The following PLEKHA8 variants were observed in gnomAD, a reference collection of about 807,000 sequenced individuals.
PLEKHA8 encodes pleckstrin homology domain containing A8.
PLEKHA8 carries 36 observed loss-of-function variants against 68.2 expected under a neutral mutation model. The observed-to-expected ratio is 0.53, with a 90% CI of 0.40 to 0.70. The LOEUF is 0.70. Among genes scored for constraint, PLEKHA8 ranks in the 30% least tolerant of loss-of-function variants. The pLI, the probability that PLEKHA8 is intolerant of heterozygous loss-of-function variation, is 0.00. For synonymous variants in PLEKHA8, 211 were observed against 216.1 expected (o/e 0.98, Z 0.20); for missense variants, 505 against 615.4 (o/e 0.82, Z 1.90).
At position 30,080,188 on chromosome 7, in the gene PLEKHA8, A is replaced by G; in HGVS notation, c.*1401A>G. On this transcript the variant is annotated 3_prime_UTR_variant, in exon 14 of 14. Transcript: ENST00000449726. ...ATGAGACTTAAGAAAACAGTTTCTT[A>G]AACTTCTTAAAACTTAAGAAACATT... The G allele has an allele frequency of 2.0e-6, 2 of 985,356 alleles. No homozygotes were observed. Among genetic ancestry groups the G allele is most frequent in the Non-Finnish European group, 2.4e-6 (2 of 829,870 alleles). 61.0% of individuals were successfully genotyped at this position (985,356 alleles called of 1,614,324 possible).
intron 12 of PLEKHA8, among the ~76,000 whole-genome samples, chr7:30,073,694 T>C (rs1400822878): frequency 1.3e-5 from 2 of 152,036 alleles, no homozygotes; most frequent in Non-Finnish European, 2.9e-5. Context: ...CTACTATGCA[T>C]TATACAAATA....
Position 30,047,962 on chromosome 7 carries a change from ATATTATT to A in PLEKHA8, c.438+12_438+18del. ...CTGGTGTGTCCAATTCTGAGGTAAA[ATATTATT>A]TATTAATATTATTAATATACATGAA... is the stretch of plus-strand genomic sequence containing the variant. On this transcript the variant is annotated splice_region_variant and intron_variant, in intron 4 of 13. Transcript: ENST00000449726. 1 of 1,381,600 alleles carries A rather than the reference ATATTATT, an allele frequency of 7.2e-7. No homozygotes were observed. The allele number at this position is 1,381,600 out of a possible 1,614,324, so 85.6% of individuals were successfully genotyped here.
chr7:30,116,082 A>G (rs1171379231), intron 13 of PLEKHA8: 4 of 150,708 alleles, frequency 2.7e-5, no homozygotes, highest in Non-Finnish European at 5.9e-5. Flanking sequence ...ATGTATACAT[A>G]CGCATACATA....
chr7:30,034,010 CTTTTTTTTTTTTTTTTT>C (rs56796780), intron 1 of PLEKHA8, among the ~76,000 whole-genome samples: 10 of 34,664 alleles, frequency 2.9e-4, no homozygotes, highest in Non-Finnish European at 4.3e-4. Flanking sequence ...TAAGAGGTTT[CTTTTTTTTTTTTTTTTT>C]TTTTTTTTTT....
chr7:30,062,575 A>G lies in PLEKHA8; in HGVS notation c.1230-97A>G, dbSNP rs1793524341. ...TGACCTATTCACTGCTGTGCCTAAG[A>G]TGTTACTGAAATGGAAGCTGATGTC... On this transcript the variant is annotated intron_variant, in intron 11 of 13. Coordinates refer to ENST00000449726, the MANE Select transcript of PLEKHA8 (RefSeq NM_001197026.2). 4.8e-6 allele frequency: 4 copies of G among 839,994 alleles called. No individual in the cohort carries two copies. The Admixed American group carries it at 6.0e-5, about 13-fold the overall frequency. 52.0% of individuals were successfully genotyped at this position (839,994 alleles called of 1,614,324 possible). A position where few individuals can be genotyped will look rare whatever the true frequency, so the allele number is the denominator to read the frequency against.
Position 30,084,641 on chromosome 7 carries a change from T to G in PLEKHA8, c.*5854T>G. ...TATTCGTTAGTTATAATAAACTTATTTTTAAAGTATTAAGTTCTTAAAGGT... is the reference window on the plus strand; with the variant it reads ...TATTCGTTAGTTATAATAAACTTATGTTTAAAGTATTAAGTTCTTAAAGGT... On this transcript the variant is annotated 3_prime_UTR_variant, in exon 14 of 14. Transcript: ENST00000449726. 1 of 915,598 alleles carries G rather than the reference T, an allele frequency of 1.1e-6. No individual in the cohort carries two copies. The allele number at this position is 915,598 out of a possible 1,614,324, so 56.7% of individuals were successfully genotyped here.
chr7:30,082,058 A>T lies in PLEKHA8; in HGVS notation c.*3271A>T. ...TGGCTCTTGATGTAGCTCTGAAGGG[A>T]GTTCCAGAAGAGGAGCTCTCACAGA... On this transcript the variant is annotated 3_prime_UTR_variant, in exon 14 of 14. Transcript: ENST00000449726. 1 of 975,018 alleles carries T rather than the reference A, an allele frequency of 1.0e-6. No homozygotes were observed. Among genetic ancestry groups the T allele is most frequent in the African/African-American group, 1.7e-5 (1 of 57,150 alleles). The allele number at this position is 975,018 out of a possible 1,614,324, so 60.4% of individuals were successfully genotyped here. A position where few individuals can be genotyped will look rare whatever the true frequency, so the allele number is the denominator to read the frequency against.
In PLEKHA8 at chr7:30,061,937, C is replaced by T; in HGVS notation, c.1139C>T (p.Thr380Ile). 2 of 1,614,056 alleles carry T rather than the reference C, an allele frequency of 1.2e-6. No individual in the cohort carries two copies. Among genetic ancestry groups the T allele is most frequent in the Non-Finnish European group, 1.7e-6 (2 of 1,179,964 alleles). ...TATATAACCAACAAAGAAGAGTTTA[C>T]CACTCTCCAGAAGATAGTGCTGCAC... The part of the protein sequence containing the change: ...QKYITNKEEF[T>I]TLQKIVLHEV... Residue 380 changes from threonine (T) to isoleucine (I), a missense_variant, in exon 11 of 14, where the codon ACC becomes ATC. Transcript: ENST00000449726.
At chr7:30,045,364 CTG>C (rs1791873545) in intron 2 of PLEKHA8, among the ~76,000 whole-genome samples, 163 bp downstream of exon 2, 1 of 152,172 alleles carries the variant, frequency 6.6e-6, no homozygotes, top group African/African-American at 2.4e-5. Flanking sequence ...CAACCCAAAA[CTG>C]TAGCCAGCTT....
chr7:30,042,908 T>G (rs1336366019), intron 1 of PLEKHA8, among the ~76,000 whole-genome samples: 1 of 152,240 alleles, frequency 6.6e-6, no homozygotes, highest in Non-Finnish European at 1.5e-5. Context: ...GTCTGAGGAT[T>G]GATTTGGTTT....
chr7:30,116,095 TATACATACGC>T (rs1345394050), intron 13 of PLEKHA8: 63 of 150,762 alleles, frequency 4.2e-4, no homozygotes, highest in African/African-American at 1.4e-3. Flanking sequence ...CATACATACG[TATACATACGC>T]ATACATACAC....
At position 30,098,038 on chromosome 7, in the gene PLEKHA8, T is replaced by C. The variant is rs1583466195; in HGVS notation, c.1362+23906T>C. Among the ~76,000 whole-genome samples, 6 of 152,348 alleles carry C rather than the reference T, an allele frequency of 3.9e-5. No homozygotes were observed. The South Asian group carries it at 1.0e-3, about 26-fold the overall frequency. On this transcript the variant is annotated intron_variant, in intron 13 of 13. Transcript: ENST00000396257. ...GTCCTTTCTGTTTGTTAGTTTTCCT[T>C]CTAACAGTCAGGACCCTCAGCTGCA...
rs1209864103 is a variant in PLEKHA8, at chr7:30,080,469, G to T, written c.*1682G>T. On this transcript the variant is annotated 3_prime_UTR_variant, in exon 14 of 14. Coordinates refer to ENST00000449726, the MANE Select transcript of PLEKHA8 (RefSeq NM_001197026.2). ...TCTAGATGATGCTGTTCCTGCTGCA[G>T]ATCTCTAGGATGGAGAGAATTCTCT... The T allele has an allele frequency of 2.0e-6, 2 of 985,336 alleles. No individual in the cohort carries two copies. Among genetic ancestry groups the T allele is most frequent in the Non-Finnish European group, 2.4e-6 (2 of 829,910 alleles). The allele number at this position is 985,336 out of a possible 1,614,324, so 61.0% of individuals were successfully genotyped here. A position where few individuals can be genotyped will look rare whatever the true frequency, so the allele number is the denominator to read the frequency against.
downstream of PLEKHA8, among the ~76,000 whole-genome samples, chr7:30,094,789 C>T (rs1398947397): frequency 2.0e-5 from 3 of 148,560 alleles, no homozygotes; most frequent in Non-Finnish European, 4.4e-5. Context: ...GGTTTTTTGT[C>T]CTCGTGATAA....
At position 30,030,700 on chromosome 7, in the gene PLEKHA8, T is replaced by C. The variant is rs148296630; in HGVS notation, c.40+1898T>C. 7.2e-5 allele frequency among the ~76,000 whole-genome samples: 11 copies of C among 152,332 alleles called. No individual in the cohort carries two copies. The East Asian group carries it at 2.1e-3, about 29-fold the overall frequency. On this transcript the variant is annotated intron_variant, in intron 1 of 13. Transcript: ENST00000449726. ...ATCACACCACTGGGTATTTTCCAGA[T>C]ATACATAGAATGATGGTTCGGCATA...
chr7:30,113,801 T>C (rs1015402804), intron 13 of PLEKHA8, among the ~76,000 whole-genome samples: 1 of 152,230 alleles, frequency 6.6e-6, no homozygotes, highest in Non-Finnish European at 1.5e-5. Flanking sequence ...ATGGGACTTC[T>C]AATTTACTAA....
intron 13 of PLEKHA8, among the ~76,000 whole-genome samples, chr7:30,098,767 C>A (rs1795732318): frequency 6.6e-6 from 1 of 152,238 alleles, no homozygotes; most frequent in South Asian, 2.1e-4. Context: ...ATTCCTTGAC[C>A]CTTGCGCTTC....
rs187326900 is a variant in PLEKHA8, at chr7:30,126,031, G to A, written c.1363-3235G>A. 7.9e-5 allele frequency among the ~76,000 whole-genome samples: 12 copies of A among 151,768 alleles called. No individual in the cohort carries two copies. The East Asian group carries it at 2.1e-3, about 27-fold the overall frequency. Reference sequence around the variant, plus strand: ...CCTCATCTGACCTGTCACATTTGAGGGTTACCAGTTATAAATTAAAAACAG... The same window carrying A: ...CCTCATCTGACCTGTCACATTTGAGAGTTACCAGTTATAAATTAAAAACAG... On this transcript the variant is annotated intron_variant, in intron 13 of 13. Transcript: ENST00000396257.
At chr7:30,034,285 A>C (rs1790894688) in intron 1 of PLEKHA8, among the ~76,000 whole-genome samples, 1 of 152,074 alleles carries the variant, frequency 6.6e-6, no homozygotes, top group Non-Finnish European at 1.5e-5. Flanking sequence ...CTAGGATTAC[A>C]GGTGTGAGCC....
Sources: gnomAD v4.1 joint callset for allele counts (sites outside exome capture counted in the v4.1 genomes callset) on GRCh38, gnomAD v4.1.1 for gene constraint, MANE v1.5 for transcripts, NCBI Gene and HGNC (gene_info 2026-07-23, HGNC 2026-07-21) for gene names.